The following ALPK2 variants were observed in gnomAD, a reference collection of about 807,000 sequenced individuals.
ALPK2 encodes alpha kinase 2.
Under a neutral mutation model 163.1 loss-of-function variants are expected in ALPK2, and 127 were observed. The ratio of observed to expected loss-of-function variants is 0.78; its 90% CI spans 0.67 to 0.90. ALPK2 has a LOEUF of 0.90. Ranked by LOEUF, ALPK2 falls within the 40% of genes least tolerant of loss-of-function variation. The pLI is 0.00. For synonymous variants in ALPK2, 953 were observed against 959.1 expected (o/e 0.99, Z 0.12); for missense variants, 2,360 against 2,589.6 (o/e 0.91, Z 1.92).
chr18:58,502,160 ACACACACACACACACACAC>A (rs1308877504), intron 11 of ALPK2, among the ~76,000 whole-genome samples: 2 of 145,128 alleles, frequency 1.4e-5, no homozygotes, highest in East Asian at 4.8e-4. Flanking sequence ...ACACACACAC[ACACACACACACACACACAC>A]AAAGAAAAAA....
intron 8 of ALPK2, among the ~76,000 whole-genome samples, chr18:58,522,231 G>A (rs1568073496): frequency 6.6e-6 from 1 of 152,272 alleles, no homozygotes; most frequent in Middle Eastern, 3.4e-3. Flanking sequence ...AGCTGATGAC[G>A]GGCGGCTCTT....
intron 3 of ALPK2, among the ~76,000 whole-genome samples, chr18:58,596,483 C>T (rs915297453): frequency 3.3e-5 from 5 of 152,210 alleles, no homozygotes; most frequent in African/African-American, 1.2e-4. Context: ...CTCCATCTGG[C>T]TGCTGCAGCA....
At chr18:58,542,604 C>T (rs1398911104) in intron 4 of ALPK2, among the ~76,000 whole-genome samples, 2 of 152,158 alleles carry the variant, frequency 1.3e-5, no homozygotes, top group Non-Finnish European at 2.9e-5. Context: ...AGGAAACTGT[C>T]TATAGTACTC....
At chr18:58,522,493 A>C (rs1282430280) in intron 8 of ALPK2, among the ~76,000 whole-genome samples, 4 of 152,210 alleles carry the variant, frequency 2.6e-5, no homozygotes, top group African/African-American at 9.7e-5. Context: ...AGGCCCGGGG[A>C]CATCACGAGC....
chr18:58,531,838 T>C (rs984236737), intron 5 of ALPK2, among the ~76,000 whole-genome samples: 2 of 139,308 alleles, frequency 1.4e-5, no homozygotes, highest in African/African-American at 5.4e-5. Flanking sequence ...CTCGGGAGGC[T>C]GAGGCTGGAG....
chr18:58,560,332 C>G (rs1333218245), intron 4 of ALPK2, among the ~76,000 whole-genome samples: 1 of 152,190 alleles, frequency 6.6e-6, no homozygotes, highest in African/African-American at 2.4e-5. Flanking sequence ...CCATGTGGAA[C>G]TATGTATCCA....
chr18:58,567,787 G>T (rs1425684604), intron 4 of ALPK2, among the ~76,000 whole-genome samples: 1 of 152,168 alleles, frequency 6.6e-6, no homozygotes, highest in Non-Finnish European at 1.5e-5. Context: ...CTATTAAGTT[G>T]TATTTTAACA....
chr18:58,501,304 A>T (rs1046499492), intron 11 of ALPK2, among the ~76,000 whole-genome samples: 1 of 152,232 alleles, frequency 6.6e-6, no homozygotes, highest in African/African-American at 2.4e-5. Context: ...ATACAAAATT[A>T]ATTCGCAAGG....
chr18:58,487,597 A>G (rs1462356709), intron 12 of ALPK2, among the ~76,000 whole-genome samples: 1 of 152,208 alleles, frequency 6.6e-6, no homozygotes, highest in African/African-American at 2.4e-5. Flanking sequence ...TCTTAACTCT[A>G]TAGAATTTTA....
intron 11 of ALPK2, among the ~76,000 whole-genome samples, chr18:58,502,268 T>C (rs1386946547): frequency 6.6e-6 from 1 of 150,398 alleles, no homozygotes; most frequent in East Asian, 2.0e-4. Flanking sequence ...GGCAGGAGGG[T>C]CACTTGAGTC....
chr18:58,504,044 C>T lies in ALPK2; in HGVS notation c.6134G>A (p.Gly2045Glu). Reference protein sequence around the residue: ...GEFVKYSIRDGKEINFLRRES... With the variant: ...GEFVKYSIRDEKEINFLRRES... ...TCTTCTCAAGAAGTTTATTTCTTTC[C>T]CATCCCTGATGGAATACTTCACAAA... Residue 2045 changes from glycine to glutamate, a missense_variant, in exon 11 of 13, where the codon GGG becomes GAG. Transcript: ENST00000361673. 6.2e-7 allele frequency: 1 copy of T among 1,614,170 alleles called. No homozygotes were observed. The highest frequency in any genetic ancestry group is 1.1e-5 in the South Asian group (1 of 91,076).
chr18:58,504,949 C>T (rs773287136), intron 10 of ALPK2, among the ~76,000 whole-genome samples: 3 of 151,912 alleles, frequency 2.0e-5, no homozygotes, highest in Admixed American at 6.6e-5. Flanking sequence ...TGGCGTGCAG[C>T]GGGAGTGCAG....
intron 3 of ALPK2, among the ~76,000 whole-genome samples, chr18:58,605,584 G>T (rs1243951288): frequency 6.6e-6 from 1 of 152,210 alleles, no homozygotes; most frequent in Admixed American, 6.5e-5. Flanking sequence ...CACCAAAAGG[G>T]AGGCCTGTGC....
intron 5 of ALPK2, among the ~76,000 whole-genome samples, chr18:58,529,461 G>A (rs556608599): frequency 6.6e-6 from 1 of 152,208 alleles, no homozygotes; most frequent in East Asian, 1.9e-4. Context: ...AATTCTTTAG[G>A]TGCAGCCTGT....
chr18:58,573,240 A>G (rs2051896172), intron 4 of ALPK2, among the ~76,000 whole-genome samples: 1 of 144,614 alleles, frequency 6.9e-6, no homozygotes, highest in Non-Finnish European at 1.5e-5. Flanking sequence ...ATGTGTGTAT[A>G]TATGTGTATA....
chr18:58,622,581 T>A (rs1158875595), intron 1 of ALPK2, among the ~76,000 whole-genome samples: 1 of 152,164 alleles, frequency 6.6e-6, no homozygotes, highest in African/African-American at 2.4e-5. Flanking sequence ...AGAGGAGAAC[T>A]TATGGTGCTA....
rs1229464282 is a variant in ALPK2 at position 58,545,880 on chromosome 18, C to G, written c.1963-7656G>C. On this transcript the variant is annotated intron_variant, in intron 4 of 12. Transcript: ENST00000361673. The stretch of plus-strand genomic sequence containing the variant: ...CATTCTGGGCTGTTGTAGCCTCCCC[C>G]ACGGATAACCTTTCCTAAATATCTG... Among the ~76,000 whole-genome samples the G allele has an allele frequency of 4.6e-5, 7 of 152,282 alleles. 1 individual carries two copies. In the South Asian group the frequency reaches 1.5e-3, roughly 32 times the overall value.
At chr18:58,597,329 A>G (rs934405506) in intron 3 of ALPK2, among the ~76,000 whole-genome samples, 1 of 152,180 alleles carries the variant, frequency 6.6e-6, no homozygotes, top group Non-Finnish European at 1.5e-5. Flanking sequence ...GTGTCTAACA[A>G]TACACAGGAG....
Position 58,535,358 on chromosome 18 carries a change from C to T in ALPK2, c.4829G>A (p.Cys1610Tyr). Residue 1610 changes from cysteine to tyrosine, a missense_variant, in exon 5 of 13, where the codon TGT (cysteine) becomes TAT (tyrosine). Coordinates refer to ENST00000361673, the MANE Select transcript of ALPK2 (RefSeq NM_052947.4). Reference sequence around the variant, plus strand: ...GACATTTCCTTCAGGAGATGAAGTACAAGGGAACCTGGTAAGATCAGGAGA... The same window carrying T: ...GACATTTCCTTCAGGAGATGAAGTATAAGGGAACCTGGTAAGATCAGGAGA... The part of the protein sequence containing the change: ...PSSPDLTRFP[C>Y]TSSPEGNVTD... The T allele has an allele frequency of 6.2e-7, 1 of 1,614,170 alleles. No individual in the cohort carries two copies. Among genetic ancestry groups the T allele is most frequent in the African/African-American group, 1.3e-5 (1 of 75,028 alleles).
Sources: gnomAD v4.1 joint callset for allele counts (sites outside exome capture counted in the v4.1 genomes callset) on GRCh38, gnomAD v4.1.1 for gene constraint, MANE v1.5 for transcripts, NCBI Gene and HGNC (gene_info 2026-07-23, HGNC 2026-07-21) for gene names.